Variants in ACSS3 observed in about 807,000 individuals in gnomAD.
ACSS3 encodes the protein acyl-CoA synthetase short-chain family member 3, mitochondrial.
A neutral mutation model predicts 84.2 loss-of-function variants in ACSS3; 64 were observed. The observed-to-expected ratio is 0.76, with a 90% confidence interval of 0.62 to 0.94. The LOEUF (loss-of-function observed/expected upper bound fraction) is 0.94. Ranked by LOEUF, ACSS3 falls within the 40% of genes least tolerant of loss-of-function variation. ACSS3 has a pLI of 0.00. For missense variants in ACSS3, 815 were observed against 867.6 expected (o/e 0.94, Z 0.76); for synonymous variants, 317 against 310.1 (o/e 1.02, Z -0.23).
intron 9 of ACSS3, among the ~76,000 whole-genome samples, chr12:81,205,659 A>G (rs1346927349): frequency 6.6e-6 from 1 of 152,028 alleles, no homozygotes; most frequent in Non-Finnish European, 1.5e-5. Context: ...TTCCGTGATC[A>G]TCCTCTTCCA....
intron 2 of ACSS3, among the ~76,000 whole-genome samples, chr12:81,112,878 G>A (rs1883722789): frequency 6.6e-6 from 1 of 152,142 alleles, no homozygotes; most frequent in Non-Finnish European, 1.5e-5. Context: ...GAGCCAACAA[G>A]ACAGGCTACC....
chr12:81,144,758 G>A (rs1886245580), intron 5 of ACSS3, among the ~76,000 whole-genome samples: 2 of 152,094 alleles, frequency 1.3e-5, no homozygotes, highest in African/African-American at 4.8e-5. Context: ...TATGGGAGGG[G>A]CAGAAGAAAA....
At chr12:81,155,022 C>T (rs1260739367) in intron 7 of ACSS3, among the ~76,000 whole-genome samples, 3 of 152,112 alleles carry the variant, frequency 2.0e-5, no homozygotes, top group Admixed American at 6.5e-5. Context: ...TGCTTTCGAG[C>T]ATATGTCTGT....
intron 10 of ACSS3, among the ~76,000 whole-genome samples, chr12:81,218,677 T>A (rs2033005651): frequency 6.6e-6 from 1 of 151,704 alleles, no homozygotes; most frequent in East Asian, 1.9e-4. Context: ...TGTTGAGACA[T>A]TTTTAGGGGT....
chr12:81,243,059 A>C (rs2033863003), intron 13 of ACSS3, among the ~76,000 whole-genome samples: 1 of 152,062 alleles, frequency 6.6e-6, no homozygotes, highest in Admixed American at 6.5e-5. Context: ...GGAAAAGAGG[A>C]AGTCAAATTG....
chr12:81,201,627 A>G (rs2032114060), intron 9 of ACSS3, among the ~76,000 whole-genome samples: 1 of 152,204 alleles, frequency 6.6e-6, no homozygotes, highest in South Asian at 2.1e-4. Flanking sequence ...ATTAATAGCT[A>G]CATTGTGTCA....
At chr12:81,213,585 C>CTTTCTTTCTTTCTTTCTTT (rs2032689762) in intron 9 of ACSS3, among the ~76,000 whole-genome samples, 1 of 13,382 alleles carries the variant, frequency 7.5e-5, no homozygotes. Context: ...TCCTCTCCTC[C>CTTTCTTTCTTTCTTTCTTT]CCTCCCCTCC....
chr12:81,204,336 T>G (rs2032249899), intron 9 of ACSS3, among the ~76,000 whole-genome samples: 1 of 122,772 alleles, frequency 8.1e-6, no homozygotes. Context: ...TTCCTCCTCT[T>G]CTTCCTTCCT....
At chr12:81,246,419 T>C (rs536682496) in intron 13 of ACSS3, among the ~76,000 whole-genome samples, 13 of 152,126 alleles carry the variant, frequency 8.5e-5, no homozygotes, top group Non-Finnish European at 1.6e-4. Flanking sequence ...GCTTTTTCTG[T>C]CTGTACTCAT....
chr12:81,126,639 A>G (rs1885116572), intron 2 of ACSS3, among the ~76,000 whole-genome samples: 2 of 152,220 alleles, frequency 1.3e-5, no homozygotes. Context: ...AGGGAAATAC[A>G]GGATTTAACT....
chr12:81,182,765 T>C (rs2031021728), intron 8 of ACSS3, among the ~76,000 whole-genome samples: 2 of 152,150 alleles, frequency 1.3e-5, no homozygotes, highest in Admixed American at 1.3e-4. Context: ...CTCCCCAGTC[T>C]CAGGACACAG....
intron 1 of ACSS3, among the ~76,000 whole-genome samples, chr12:81,090,023 T>C (rs928948750): frequency 6.6e-6 from 1 of 151,992 alleles, no homozygotes; most frequent in Non-Finnish European, 1.5e-5. Context: ...TAGCAGAACC[T>C]AGAGAGTGAA....
rs904633059 is a variant in ACSS3 at position 81,204,517 on chromosome 12, A to T, written c.1354+5073A>T. 5.9e-5 allele frequency among the ~76,000 whole-genome samples: 9 copies of T among 152,174 alleles called. No homozygotes were observed. The South Asian group carries it at 1.7e-3, about 28-fold the overall frequency. The stretch of plus-strand genomic sequence containing the variant: ...AAATGATTGTAACAAAACATCCTGG[A>T]GTCCCAATGTTTAATGTTATTTAAT... On this transcript the variant is annotated intron_variant, in intron 9 of 15. Transcript: ENST00000548058.
At chr12:81,123,520 T>C (rs1210720216) in intron 2 of ACSS3, among the ~76,000 whole-genome samples, 2 of 152,164 alleles carry the variant, frequency 1.3e-5, no homozygotes, top group East Asian at 3.9e-4. Flanking sequence ...GGGGTACATG[T>C]GCAGGTTAAT....
intron 13 of ACSS3, among the ~76,000 whole-genome samples, chr12:81,251,790 C>G (rs547430618): frequency 1.3e-5 from 2 of 151,994 alleles, no homozygotes; most frequent in Non-Finnish European, 2.9e-5. Context: ...TTGCAGTGAT[C>G]TATGAACATG....
Position 81,082,182 on chromosome 12 carries a change from G to A in ACSS3, c.311+3751G>A, listed in dbSNP as rs148631498. ...AACTCATCACCCAGATAGTAAACAC[G>A]GTACCTGGTAGGTTTTCGACCCTGG... On this transcript the variant is annotated intron_variant, in intron 1 of 15. Coordinates refer to ENST00000548058, the MANE Select transcript of ACSS3 (RefSeq NM_024560.4). Among the ~76,000 whole-genome samples the A allele has an allele frequency of 1.3e-3, 194 of 152,276 alleles. 2 individuals are homozygous for A. The highest frequency in any genetic ancestry group is 4.5e-3 in the African/African-American group (189 of 41,546).
intron 5 of ACSS3, among the ~76,000 whole-genome samples, chr12:81,144,787 G>T (rs1886246210): frequency 2.0e-5 from 3 of 152,030 alleles, no homozygotes; most frequent in Admixed American, 1.3e-4. Context: ...GAAATTAAAA[G>T]CTGACTTGCC....
chr12:81,115,342 T>C (rs1386046114), intron 2 of ACSS3, among the ~76,000 whole-genome samples: 1 of 152,216 alleles, frequency 6.6e-6, no homozygotes, highest in Non-Finnish European at 1.5e-5. Context: ...ATTCCAGATC[T>C]TTCAAATTTT....
At chr12:81,227,264 A>G (rs754468540) in intron 11 of ACSS3, among the ~76,000 whole-genome samples, 5 of 151,806 alleles carry the variant, frequency 3.3e-5, no homozygotes, top group Non-Finnish European at 5.9e-5. Context: ...CTACTGACTT[A>G]AATGTTAATT....
Sources: gnomAD v4.1 joint callset for allele counts (sites outside exome capture counted in the v4.1 genomes callset) on GRCh38, gnomAD v4.1.1 for gene constraint, MANE v1.5 for transcripts, NCBI Gene and HGNC (gene_info 2026-07-23, HGNC 2026-07-21) for gene names.